The following DDX1 variants were observed in gnomAD, a reference collection of about 807,000 sequenced individuals.
The protein encoded by DDX1 is DEAD-box helicase 1.
DDX1 carries 28 observed loss-of-function variants against 108.7 expected under a neutral mutation model. The ratio of observed to expected loss-of-function variants is 0.26; its 90% CI spans 0.19 to 0.35. The LOEUF (loss-of-function observed/expected upper bound fraction) is 0.35, where lower values mean the gene tolerates loss of function less well. Among genes scored for constraint, DDX1 ranks in the 10% least tolerant of loss-of-function variants. The pLI is 1.00. For missense variants in DDX1, 710 were observed against 884.5 expected (o/e 0.80, Z 2.50); for synonymous variants, 295 against 288.9 (o/e 1.02, Z -0.21).
Position 15,617,253 on chromosome 2 carries a change from G to A in DDX1, c.1027G>A (p.Val343Ile), listed in dbSNP as rs1665911684. The A allele has an allele frequency of 6.3e-7, 1 of 1,580,710 alleles. No homozygotes were observed. Among genetic ancestry groups the A allele is most frequent in the Non-Finnish European group, 8.6e-7 (1 of 1,159,214 alleles). ...LSVLENGVDI[V>I]VGTPGRLDDL... ...GTTTGCTTTTTTTCAGGTAGATATA[G>A]TTGTAGGTACTCCGGGAAGACTAGA... The change falls in exon 15 of 26, where the codon GTT becomes ATT. Residue 343 changes from valine to isoleucine, a missense_variant. Val to Ile is a conservative substitution (Grantham distance 29, BLOSUM62 3). Around this residue, in one of 3 missense-constraint regions of DDX1, gnomAD observed 661 missense variants for 810.2 expected, o/e 0.82. Coordinates refer to ENST00000233084, the MANE Select transcript of DDX1 (RefSeq NM_004939.3).
At chr2:15,603,169 C>T in intron 7 of DDX1, 23 bp from the exon 8 acceptor site, 25 of 1,485,804 alleles carry the variant, frequency 1.7e-5, no homozygotes, top group Middle Eastern at 1.7e-4. Context: ...TTATATAAAT[C>T]TCAATGTATT....
At chr2:15,612,314 C>T (rs1161822916) in intron 13 of DDX1, among the ~76,000 whole-genome samples, 7 of 149,260 alleles carry the variant, frequency 4.7e-5, no homozygotes, top group Non-Finnish European at 8.9e-5. Flanking sequence ...AGAGGCGCTC[C>T]TCACATCCCA....
At chr2:15,615,728 C>T (rs1331829996) in intron 14 of DDX1, among the ~76,000 whole-genome samples, 1 of 151,994 alleles carries the variant, frequency 6.6e-6, no homozygotes, top group Non-Finnish European at 1.5e-5. Context: ...ATTTTTAGTA[C>T]AGGGTGGAGA....
intron 18 of DDX1, among the ~76,000 whole-genome samples, chr2:15,622,064 A>G (rs113873997): frequency 0.02 from 3,043 of 152,364 alleles, 43 homozygotes; most frequent in Non-Finnish European, 0.028. Context: ...TAAGTTTCTC[A>G]TATCAGGAAT....
intron 24 of DDX1, 49 bp downstream of exon 24, chr2:15,629,746 A>C: frequency 7.3e-7 from 1 of 1,377,484 alleles, no homozygotes; most frequent in Non-Finnish European, 9.9e-7. Flanking sequence ...ATGGTAGAAT[A>C]GAAAGCATTT....
At chr2:15,592,076 T>C (rs1369027463) in intron 1 of DDX1, 127 bp downstream of exon 1, 1 of 908,402 alleles carries the variant, frequency 1.1e-6, no homozygotes, top group Non-Finnish European at 1.5e-6. Flanking sequence ...CGCTGTCCGC[T>C]GCAGTCCCTG....
At chr2:15,616,782 T>C (rs1370123940) in intron 14 of DDX1, among the ~76,000 whole-genome samples, 1 of 152,246 alleles carries the variant, frequency 6.6e-6, no homozygotes, top group African/African-American at 2.4e-5. Context: ...ACTCTGCGTC[T>C]AGTGCTTTAC....
At chr2:15,608,263 T>G (rs1405457858) in intron 13 of DDX1, among the ~76,000 whole-genome samples, 3 of 152,076 alleles carry the variant, frequency 2.0e-5, no homozygotes, top group African/African-American at 7.3e-5. Context: ...GTGTGGTGAC[T>G]CACGCCTGTA....
chr2:15,605,077 A>G (rs1247002928), intron 10 of DDX1, among the ~76,000 whole-genome samples: 2 of 152,212 alleles, frequency 1.3e-5, no homozygotes, highest in African/African-American at 4.8e-5. Flanking sequence ...ATGGAGAGCC[A>G]TATGGGCCAT....
intron 13 of DDX1, among the ~76,000 whole-genome samples, chr2:15,608,121 A>G (rs370692366): frequency 4.6e-5 from 7 of 152,198 alleles, no homozygotes; most frequent in Non-Finnish European, 5.9e-5. Context: ...AGAAGGCTAT[A>G]CCATATAAGT....
chr2:15,630,475 C>T (rs1352467716), intron 25 of DDX1, among the ~76,000 whole-genome samples: 1 of 152,198 alleles, frequency 6.6e-6, no homozygotes, highest in African/African-American at 2.4e-5. Context: ...ATTTCCTCTG[C>T]CTGGGATGCC....
chr2:15,608,891 T>C (rs966156408), intron 13 of DDX1, among the ~76,000 whole-genome samples: 5 of 152,178 alleles, frequency 3.3e-5, no homozygotes, highest in African/African-American at 1.2e-4. Context: ...AACAAACTTA[T>C]TTAGGGATAA....
Position 15,620,409 on chromosome 2 carries a change from T to C in DDX1, c.1395+13T>C, listed in dbSNP as rs1310508914. 13 of 1,597,010 alleles carry C rather than the reference T, an allele frequency of 8.1e-6. No individual in the cohort carries two copies. The highest frequency in any genetic ancestry group is 1.1e-5 in the Non-Finnish European group (13 of 1,172,338). Reference sequence around the variant, plus strand: ...GAGCCACATTAGAGTAAGTGGTTTATAATATTAACATTTATGTAGAATAAA... The same window carrying C: ...GAGCCACATTAGAGTAAGTGGTTTACAATATTAACATTTATGTAGAATAAA... On this transcript the variant is annotated intron_variant, in intron 17 of 25. Transcript: ENST00000233084.
At chr2:15,621,237 A>T (rs994567306) in intron 18 of DDX1, 121 bp downstream of exon 18, 1 of 678,706 alleles carries the variant, frequency 1.5e-6, no homozygotes, top group African/African-American at 1.8e-5. Context: ...AAATAAAGGC[A>T]ACAAAAATAA....
At chr2:15,596,827 A>T in intron 4 of DDX1, 64 bp downstream of exon 4, 1 of 1,255,976 alleles carries the variant, frequency 8.0e-7, no homozygotes, top group Non-Finnish European at 1.1e-6. Flanking sequence ...TTTGAACAGT[A>T]GTTTTTACTT....
chr2:15,600,117 C>T (rs1181405542), intron 6 of DDX1, among the ~76,000 whole-genome samples: 1 of 152,150 alleles, frequency 6.6e-6, no homozygotes, highest in Non-Finnish European at 1.5e-5. Context: ...TATAATTTAG[C>T]AGTGGCAAAA....
intron 14 of DDX1, among the ~76,000 whole-genome samples, chr2:15,613,751 G>C (rs1474333733): frequency 6.6e-6 from 1 of 152,024 alleles, no homozygotes; most frequent in Non-Finnish European, 1.5e-5. Context: ...AGGGGAAGTC[G>C]CAAAGGCTGT....
intron 18 of DDX1, chr2:15,621,331 A>G (rs185657358): frequency 1.1e-4 from 51 of 477,274 alleles, no homozygotes; most frequent in African/African-American, 9.1e-4. Flanking sequence ...TTTGAGACAG[A>G]GTCATGTTCT....
intron 18 of DDX1, among the ~76,000 whole-genome samples, chr2:15,622,854 C>G (rs936386936): frequency 3.3e-5 from 5 of 152,104 alleles, no homozygotes; most frequent in African/African-American, 1.2e-4. Flanking sequence ...GTCTTACATT[C>G]AGTGGTTGAG....
Sources: gnomAD v4.1 joint callset for allele counts (sites outside exome capture counted in the v4.1 genomes callset) on GRCh38, gnomAD v4.1.1 for gene constraint, gnomAD v4.1.1 regional missense constraint, MANE v1.5 for transcripts, NCBI Gene and HGNC (gene_info 2026-07-23, HGNC 2026-07-21) for gene names.